The following FAM124A variants were observed in gnomAD, a reference collection of about 807,000 sequenced individuals.
FAM124A encodes the protein family with sequence similarity 124 member A.
FAM124A carries 23 observed loss-of-function variants against 24.5 expected under a neutral mutation model. That is an observed-to-expected ratio of 0.94 (90% CI 0.68 to 1.33). The LOEUF (loss-of-function observed/expected upper bound fraction) is 1.33, where lower values mean the gene tolerates loss of function less well. Among genes scored for constraint, FAM124A ranks in the 40% most tolerant of loss-of-function variants. The pLI is 0.00. For synonymous variants in FAM124A, 287 were observed against 314.7 expected, an observed-to-expected ratio of 0.91 and a Z score of 0.93; for missense variants, 623 against 722.8, an observed-to-expected ratio of 0.86 and a Z score of 1.58.
intron 2 of FAM124A, among the ~76,000 whole-genome samples, chr13:51,242,341 T>C (rs997511676): frequency 6.6e-6 from 1 of 152,180 alleles, no homozygotes; most frequent in Non-Finnish European, 1.5e-5. Flanking sequence ...TTTTGAACCG[T>C]CAAATTTTTA....
At position 51,258,934 on chromosome 13, in the gene FAM124A, G is replaced by A. The variant is rs903284814; in HGVS notation, c.834+6733G>A. 6.6e-6 allele frequency among the ~76,000 whole-genome samples: 1 copy of A among 152,198 alleles called. No individual in the cohort carries two copies. Among genetic ancestry groups the A allele is most frequent in the Non-Finnish European group, 1.5e-5 (1 of 68,040 alleles). On this transcript the variant is annotated intron_variant, in intron 3 of 3. Transcript: ENST00000322475. This position sits in a 1 kb window ranked among gnomAD's most constrained non-coding sequence, Gnocchi z 4.2. ...AGAGCTGGGGCAGATGCTGTTCCGG[G>A]GGCACTGGGGAGCCCCAGGGAGCAG...
chr13:51,270,586 T>G (rs1283664005), intron 3 of FAM124A, among the ~76,000 whole-genome samples: 2 of 152,358 alleles, frequency 1.3e-5, no homozygotes, highest in East Asian at 1.9e-4. Flanking sequence ...CCCTTGAAAC[T>G]TTTGAGGTGC....
intron 3 of FAM124A, among the ~76,000 whole-genome samples, chr13:51,267,155 G>C (rs10492521): frequency 6.6e-6 from 1 of 152,042 alleles, no homozygotes; most frequent in Non-Finnish European, 1.5e-5. Context: ...AAAGCATAAG[G>C]ATTTTTGGTT....
intron 3 of FAM124A, among the ~76,000 whole-genome samples, chr13:51,264,535 GATCAC>G (rs1954766388): frequency 6.6e-6 from 1 of 152,102 alleles, no homozygotes; most frequent in Non-Finnish European, 1.5e-5. Context: ...GAGGCAGGAA[GATCAC>G]TTGCGCCCAG....
At chr13:51,243,199 TCAAAATTA>T (rs904825376) in intron 2 of FAM124A, among the ~76,000 whole-genome samples, 3 of 152,212 alleles carry the variant, frequency 2.0e-5, no homozygotes, top group Non-Finnish European at 4.4e-5. Context: ...ACAGGCCTTG[TCAAAATTA>T]CAAAATTACC....
chr13:51,263,293 C>T (rs1954754835), intron 3 of FAM124A, among the ~76,000 whole-genome samples: 1 of 152,260 alleles, frequency 6.6e-6, no homozygotes, highest in Non-Finnish European at 1.5e-5. Flanking sequence ...AGCCTGCTCT[C>T]TGTGCATTCC....
rs1421609788 is a variant in FAM124A, at chr13:51,231,395, A to G, written c.100+16A>G. 6.2e-7 allele frequency: 1 copy of G among 1,613,798 alleles called. No homozygotes were observed. Among genetic ancestry groups the G allele is most frequent in the East Asian group, 2.2e-5 (1 of 44,872 alleles). ...TCCACGAGCAGTAAGTATCTTTTAAACATCCTTCAGCATTGTCTAACGGTC... is the reference window on the plus strand; with the variant it reads ...TCCACGAGCAGTAAGTATCTTTTAAGCATCCTTCAGCATTGTCTAACGGTC... On this transcript the variant is annotated intron_variant, in intron 2 of 3. Transcript: ENST00000322475.
chr13:51,256,385 CT>C (rs1401200003), intron 3 of FAM124A, among the ~76,000 whole-genome samples: 1 of 152,192 alleles, frequency 6.6e-6, no homozygotes, highest in Non-Finnish European at 1.5e-5. Context: ...GAGAAAAGAG[CT>C]GCAACTAACG....
chr13:51,228,490 C>T (rs905699489), intron 1 of FAM124A, among the ~76,000 whole-genome samples: 4 of 152,186 alleles, frequency 2.6e-5, no homozygotes, highest in Non-Finnish European at 4.4e-5. Context: ...CTAAATTCAC[C>T]TTTCATGCTT....
At chr13:51,235,552 T>C (rs1344391044) in intron 2 of FAM124A, among the ~76,000 whole-genome samples, 1 of 152,222 alleles carries the variant, frequency 6.6e-6, no homozygotes, top group African/African-American at 2.4e-5. Context: ...TTTTTGAAGA[T>C]ATCTAGCCCC....
At chr13:51,271,829 T>C (rs1954843054) in intron 3 of FAM124A, among the ~76,000 whole-genome samples, 2 of 152,152 alleles carry the variant, frequency 1.3e-5, no homozygotes, top group Non-Finnish European at 2.9e-5. Flanking sequence ...AGGTGGGGAC[T>C]ATGATGCCCA....
chr13:51,222,494 C>A lies in FAM124A; in HGVS notation c.-8C>A, dbSNP rs908232546. 3.3e-6 allele frequency: 4 copies of A among 1,223,960 alleles called. No individual in the cohort carries two copies. The highest frequency in any genetic ancestry group is 3.9e-5 in the South Asian group (1 of 25,858). 75.8% of individuals were successfully genotyped at this position (1,223,960 alleles called of 1,614,324 possible). A position where few individuals can be genotyped will look rare whatever the true frequency, so the allele number is the denominator to read the frequency against. On this transcript the variant is annotated 5_prime_UTR_variant, in exon 1 of 4. Coordinates refer to ENST00000322475, the MANE Select transcript of FAM124A (RefSeq NM_001242312.2). Reference sequence around the variant, plus strand: ...GCCCGCAAGCCGAGCGCGGCCGGGACGTGCACCATGGACCCAAAGGCGGGC... The same window carrying A: ...GCCCGCAAGCCGAGCGCGGCCGGGAAGTGCACCATGGACCCAAAGGCGGGC...
At position 51,230,131 on chromosome 13, in the gene FAM124A, G is replaced by C. The variant is rs556032693; in HGVS notation, c.69-1217G>C. ...TATATAAAGGGATATGCAAATGTTG[G>C]TAGTTGTTATTCTTTCCAGTTTTAA... On this transcript the variant is annotated intron_variant, in intron 1 of 3. Transcript: ENST00000322475. Among the ~76,000 whole-genome samples, 5 of 152,232 alleles carry C rather than the reference G, an allele frequency of 3.3e-5. No individual in the cohort carries two copies. In the East Asian group the frequency reaches 9.6e-4, roughly 29 times the overall value.
intron 2 of FAM124A, among the ~76,000 whole-genome samples, chr13:51,248,886 C>T (rs1954591674): frequency 6.6e-6 from 1 of 152,230 alleles, no homozygotes. Flanking sequence ...AAGTCCTTGT[C>T]ATCTCCTGTC....
intron 2 of FAM124A, among the ~76,000 whole-genome samples, chr13:51,233,448 C>T (rs903339585): frequency 6.6e-6 from 1 of 152,310 alleles, no homozygotes; most frequent in Non-Finnish European, 1.5e-5. Context: ...ACATGTTTAA[C>T]CCTAGTTACA....
rs752517632 is a variant in FAM124A, at chr13:51,251,849, C to G, written c.482C>G (p.Ala161Gly). 6 of 1,611,862 alleles carry G rather than the reference C, an allele frequency of 3.7e-6. No homozygotes were observed. Among genetic ancestry groups the G allele is most frequent in the Non-Finnish European group, 5.1e-6 (6 of 1,179,166 alleles). The part of the protein sequence containing the change: ...FTLAPGTPLW[A>G]IRPVHYGKEI... ...CTGGCCCCTGGGACGCCGCTTTGGGCCATCCGGCCCGTGCACTACGGCAAG... is the reference window on the plus strand; with the variant it reads ...CTGGCCCCTGGGACGCCGCTTTGGGGCATCCGGCCCGTGCACTACGGCAAG... Residue 161 changes from alanine (A) to glycine (G), a missense_variant, in exon 3 of 4, where the codon GCC becomes GGC. Transcript: ENST00000322475. The surrounding 1 kb of genome is among the most constrained non-coding windows in gnomAD (Gnocchi z 5.3).
intron 2 of FAM124A, among the ~76,000 whole-genome samples, chr13:51,233,329 A>C (rs1159223556): frequency 6.6e-6 from 1 of 152,150 alleles, no homozygotes; most frequent in Non-Finnish European, 1.5e-5. Flanking sequence ...AGGAAAAAAG[A>C]AAGGGGAAGG....
intron 2 of FAM124A, among the ~76,000 whole-genome samples, chr13:51,244,940 C>T (rs1293326364): frequency 1.3e-5 from 2 of 152,152 alleles, no homozygotes; most frequent in South Asian, 2.1e-4. Flanking sequence ...AAAACCAACG[C>T]GATGATTCCA....
chr13:51,249,101 T>A (rs1954594343), intron 2 of FAM124A, among the ~76,000 whole-genome samples: 1 of 152,202 alleles, frequency 6.6e-6, no homozygotes. Flanking sequence ...CCCTTCCAAA[T>A]GTGCTTGTTT....
Sources: gnomAD v4.1 joint callset for allele counts (sites outside exome capture counted in the v4.1 genomes callset) on GRCh38, gnomAD v4.1.1 for gene constraint, Gnocchi (gnomAD v3.1) non-coding constraint, MANE v1.5 for transcripts, NCBI Gene and HGNC (gene_info 2026-07-23, HGNC 2026-07-21) for gene names.